Variants in PRIM2 observed in about 807,000 individuals in gnomAD.
The protein encoded by PRIM2 is DNA primase large subunit.
Under a neutral mutation model 67.3 loss-of-function variants are expected in PRIM2, and 39 were observed. The observed-to-expected ratio is 0.58, with a 90% CI of 0.45 to 0.76. The LOEUF (loss-of-function observed/expected upper bound fraction) is 0.76, where lower values mean the gene tolerates loss of function less well. PRIM2 is among the 30% of genes least tolerant of loss of function. PRIM2 has a pLI of 0.00. For missense variants in PRIM2, 398 were observed against 598.7 expected, an observed-to-expected ratio of 0.66 and a Z score of 3.50; for synonymous variants, 143 against 198.7, an observed-to-expected ratio of 0.72 and a Z score of 2.36.
chr6:57,314,095 A>T (rs74669336), upstream of PRIM2, among the ~76,000 whole-genome samples: 342 of 152,332 alleles, frequency 2.2e-3, 2 homozygotes, highest in African/African-American at 7.8e-3. Flanking sequence ...TCTGGAAGGA[A>T]TGTGTATAAT....
intron 7 of PRIM2, among the ~76,000 whole-genome samples, chr6:57,503,834 T>G (rs1170295611): frequency 6.6e-6 from 1 of 152,166 alleles, no homozygotes; most frequent in African/African-American, 2.4e-5. Flanking sequence ...AATAAAATTC[T>G]AAACCCTTGG....
At chr6:57,409,004 T>C (rs1770995244) in intron 7 of PRIM2, among the ~76,000 whole-genome samples, 1 of 152,202 alleles carries the variant, frequency 6.6e-6, no homozygotes, top group Admixed American at 6.5e-5. Context: ...CTTTTATTTT[T>C]TTAATTTAAA....
chr6:57,243,033 C>A, the PRIM2 span, among the ~76,000 whole-genome samples: 5 of 152,334 alleles, frequency 3.3e-5, no homozygotes, highest in South Asian at 1.0e-3. Context: ...AGGTCAGCCA[C>A]CTATGAAGGA....
chr6:57,533,818 A>G (rs1293582030), intron 9 of PRIM2, among the ~76,000 whole-genome samples: 2 of 152,208 alleles, frequency 1.3e-5, no homozygotes, highest in Admixed American at 6.5e-5. Flanking sequence ...TGCTGTGGAT[A>G]CAGAAGTGAG....
Position 57,320,527 on chromosome 6 carries a change from G to C in PRIM2, c.225G>C (p.Glu75Asp). ...CTGAACAATACCAGAGTAAGTTGGA[G>C]AGTGAGCTTCGGAAGCTCAAGTTTT... ...KGTEQYQSKL[E>D]SELRKLKFSY... Residue 75 changes from glutamate to aspartate, a missense_variant, in exon 3 of 14, where the codon GAG (glutamate) becomes GAC (aspartate). By Grantham distance (45) the Glu-to-Asp change is conservative. Transcript: ENST00000615550. 6.2e-7 allele frequency: 1 copy of C among 1,609,620 alleles called. No individual in the cohort carries two copies. The highest frequency in any genetic ancestry group is 1.3e-5 in the African/African-American group (1 of 74,952).
chr6:57,251,332 A>C, the PRIM2 span, among the ~76,000 whole-genome samples: 1 of 152,252 alleles, frequency 6.6e-6, no homozygotes, highest in Admixed American at 6.5e-5. Context: ...AACCGCAGTT[A>C]CAAACAACTC....
chr6:57,341,811 G>A (rs1202824452), intron 5 of PRIM2, among the ~76,000 whole-genome samples: 2 of 152,196 alleles, frequency 1.3e-5, no homozygotes, highest in African/African-American at 4.8e-5. Flanking sequence ...TGCTGCATAA[G>A]TTGAGGTGGA....
chr6:57,596,439 T>C (rs1243379355), intron 10 of PRIM2, among the ~76,000 whole-genome samples: 2 of 151,816 alleles, frequency 1.3e-5, no homozygotes, highest in Admixed American at 6.6e-5. Context: ...GTAACAAAAA[T>C]CGGATCAGTA....
intron 7 of PRIM2, among the ~76,000 whole-genome samples, chr6:57,470,191 C>T (rs1304091922): frequency 2.6e-5 from 4 of 151,992 alleles, no homozygotes; most frequent in Non-Finnish European, 2.9e-5. Context: ...TTAAATTTCC[C>T]CCCAATCTCT....
At chr6:57,365,443 A>G (rs1237391609) in intron 5 of PRIM2, among the ~76,000 whole-genome samples, 4 of 151,616 alleles carry the variant, frequency 2.6e-5, no homozygotes, top group Non-Finnish European at 5.9e-5. Context: ...GTGTGTATGA[A>G]TTTTTGTGCC....
At chr6:57,630,218 T>C (rs1777018688) in intron 12 of PRIM2, among the ~76,000 whole-genome samples, 1 of 152,000 alleles carries the variant, frequency 6.6e-6, no homozygotes, top group African/African-American at 2.4e-5. Flanking sequence ...CTTTAAGCTA[T>C]CCTGATCATA....
At chr6:57,573,748 T>C (rs1775908436) in intron 10 of PRIM2, among the ~76,000 whole-genome samples, 1 of 152,174 alleles carries the variant, frequency 6.6e-6, no homozygotes, top group Non-Finnish European at 1.5e-5. Context: ...TGATATAGCA[T>C]AGGAAAACAA....
intron 7 of PRIM2, among the ~76,000 whole-genome samples, chr6:57,447,702 T>C (rs537255615): frequency 1.3e-5 from 2 of 152,346 alleles, no homozygotes; most frequent in East Asian, 1.9e-4. Context: ...ATGGTATTTG[T>C]GGAACTATTA....
intron 7 of PRIM2, among the ~76,000 whole-genome samples, chr6:57,390,377 C>T (rs1159271222): frequency 6.6e-6 from 1 of 152,024 alleles, no homozygotes; most frequent in East Asian, 1.9e-4. Flanking sequence ...GTTGTCTATT[C>T]AACACATATT....
rs112206458 is a variant in PRIM2, at chr6:57,452,817, C to T, written c.694-54570C>T. Among the ~76,000 whole-genome samples, 41 of 152,228 alleles carry T rather than the reference C, an allele frequency of 2.7e-4. No homozygotes were observed. The South Asian group carries it at 3.1e-3, about 12-fold the overall frequency. On this transcript the variant is annotated intron_variant, in intron 7 of 13. Transcript: ENST00000615550. ...AGATCCCATTTGTCAATTTTGGCTT[C>T]TGTTGCCATTGCTTTTGGTGTTTTA...
intron 7 of PRIM2, among the ~76,000 whole-genome samples, chr6:57,430,306 C>G (rs1771774098): frequency 6.6e-6 from 1 of 152,138 alleles, no homozygotes; most frequent in Non-Finnish European, 1.5e-5. Context: ...TACCCCTTTA[C>G]ATACTTGCTC....
At position 57,590,009 on chromosome 6, in the gene PRIM2, G is replaced by C. The variant is rs1478655807; in HGVS notation, c.1021-11084G>C. Among the ~76,000 whole-genome samples the C allele has an allele frequency of 7.8e-3, 1,195 of 152,284 alleles. 9 individuals are homozygous for C. Among genetic ancestry groups the C allele is most frequent in the Non-Finnish European group, 9.4e-3 (638 of 68,026 alleles). On this transcript the variant is annotated intron_variant, in intron 10 of 13. Coordinates refer to ENST00000615550, the MANE Select transcript of PRIM2 (RefSeq NM_000947.5). Reference sequence around the variant, plus strand: ...AAGAGCCAGGCTCAGGAGTCAGGGAGTAAATGTCTTCTTGACGCAGTGAGC... The same window carrying C: ...AAGAGCCAGGCTCAGGAGTCAGGGACTAAATGTCTTCTTGACGCAGTGAGC...
Position 57,571,582 on chromosome 6 carries a change from G to A in PRIM2, c.1021-29511G>A, listed in dbSNP as rs1273871380. 4.6e-5 allele frequency among the ~76,000 whole-genome samples: 7 copies of A among 152,224 alleles called. 1 individual carries two copies. The highest frequency in any genetic ancestry group is 2.0e-4 in the Admixed American group (3 of 15,298). ...GGAGAATTGCTTCCACCTGGGAGGC[G>A]TAGGTTGCAGTGAGCCGAGATAGTG... On this transcript the variant is annotated intron_variant, in intron 10 of 13. Coordinates refer to ENST00000615550, the MANE Select transcript of PRIM2 (RefSeq NM_000947.5).
intron 10 of PRIM2, among the ~76,000 whole-genome samples, chr6:57,595,560 T>G (rs1776350988): frequency 6.6e-6 from 1 of 152,180 alleles, no homozygotes. Context: ...CACCACAACT[T>G]CTGACCAGTT....
Sources: gnomAD v4.1 joint callset for allele counts (sites outside exome capture counted in the v4.1 genomes callset) on GRCh38, gnomAD v4.1.1 for gene constraint, MANE v1.5 for transcripts, NCBI Gene and HGNC (gene_info 2026-07-23, HGNC 2026-07-21) for gene names.